The following AGXT variants were observed in gnomAD, a reference collection of about 807,000 sequenced individuals.
AGXT encodes L-alanine: glyoxylate aminotransferase 1.
Under a neutral mutation model 46.9 loss-of-function variants are expected in AGXT, and 41 were observed. That is an observed-to-expected ratio of 0.88 (90% CI 0.68 to 1.14). AGXT has a LOEUF of 1.14. Ranked by LOEUF, AGXT falls within the 50% of genes most tolerant of loss-of-function variation. The pLI, the probability that AGXT is intolerant of heterozygous loss-of-function variation, is 0.00. For synonymous variants in AGXT, 244 were observed against 227.9 expected (o/e 1.07, Z -0.64); for missense variants, 525 against 522.7 (o/e 1.00, Z -0.04).
At chr2:240,877,757 C>T (rs1013495505) in intron 9 of AGXT, 125 bp downstream of exon 9, 90 of 1,153,890 alleles carry the variant, frequency 7.8e-5, no homozygotes, top group Middle Eastern at 5.3e-4. Flanking sequence ...GTGGTGTGGC[C>T]TCGGTGCCAG....
chr2:240,875,669 G>A (rs915562269), intron 7 of AGXT, among the ~76,000 whole-genome samples: 1 of 152,262 alleles, frequency 6.6e-6, no homozygotes, highest in African/African-American at 2.4e-5. Context: ...GGACTGAGGG[G>A]CTCCGCAGGG....
Position 240,869,202 on chromosome 2 carries a change from C to G in AGXT, c.198C>G (p.Tyr66Ter), listed in dbSNP as rs121908521. 5 of 1,528,980 alleles carry G rather than the reference C, an allele frequency of 3.3e-6. No individual in the cohort carries two copies. Among genetic ancestry groups the G allele is most frequent in the Non-Finnish European group, 4.5e-6 (5 of 1,121,430 alleles). The allele number at this position is 1,528,980 out of a possible 1,614,324, so 94.7% of individuals were successfully genotyped here. Residue 66 changes from tyrosine (Y) to a stop codon, truncating the protein, a stop_gained, in exon 2 of 11, where the codon TAC becomes TAG. Transcript: ENST00000307503. LOFTEE classifies it high-confidence loss of function. ...ACGAGATCAAGGAAGGCATCCAGTA[C>G]GTGTTCCAGACCAGGAACCCACTCA... ...IMDEIKEGIQ[Y>*]VFQTRNPLTL...
Position 240,876,672 on chromosome 2 carries a change from G to A in AGXT, c.846+668G>A, listed in dbSNP as rs566398438. 5.3e-5 allele frequency among the ~76,000 whole-genome samples: 8 copies of A among 152,366 alleles called. No homozygotes were observed. In the South Asian group the frequency reaches 6.2e-4, roughly 12 times the overall value. On this transcript the variant is annotated intron_variant, in intron 8 of 10. Transcript: ENST00000307503. ...CAGCTTCCCATGAGGTTGCAAGGCC[G>A]TGCCTGCCACGTTTGTCCTCCTGGG...
intron 6 of AGXT, among the ~76,000 whole-genome samples, chr2:240,874,839 A>T (rs1373145974): frequency 6.6e-6 from 1 of 152,216 alleles, no homozygotes; most frequent in Non-Finnish European, 1.5e-5. Flanking sequence ...GCTGGGGGAG[A>T]GAAAGGGGCA....
rs1375416933 is a variant in AGXT at position 240,879,541 on chromosome 2, C to A, written c.*720C>A. 1.3e-5 allele frequency: 2 copies of A among 152,546 alleles called. No homozygotes were observed. The highest frequency in any genetic ancestry group is 2.9e-5 in the Non-Finnish European group (2 of 68,304). 9.4% of individuals were successfully genotyped at this position (152,546 alleles called of 1,614,324 possible). On this transcript the variant is annotated 3_prime_UTR_variant, in exon 11 of 11. Transcript: ENST00000307503. Reference sequence around the variant, plus strand: ...TTATTTATTTTGAAACGGAGTTTCACTCTTGTTGCCCAGGCTGGAGTGCAG... The same window carrying A: ...TTATTTATTTTGAAACGGAGTTTCAATCTTGTTGCCCAGGCTGGAGTGCAG...
At chr2:240,874,148 G>T in intron 6 of AGXT, 86 bp downstream of exon 6, 1 of 1,304,918 alleles carries the variant, frequency 7.7e-7, no homozygotes, top group South Asian at 1.2e-5. Flanking sequence ...GCGGGAGCCA[G>T]GCAGGAAGGG....
intron 6 of AGXT, 122 bp downstream of exon 6, chr2:240,874,184 C>T (rs541928579): frequency 3.7e-5 from 36 of 967,762 alleles, no homozygotes; most frequent in Non-Finnish European, 5.2e-5. Flanking sequence ...CAGCACCTGG[C>T]GCTCTCCCGC....
rs755242240 is a variant in AGXT at position 240,878,147 on chromosome 2, G to C, written c.1068G>C (p.Gly356=). 3 of 1,612,802 alleles carry C rather than the reference G, an allele frequency of 1.9e-6. No homozygotes were observed. The East Asian group carries it at 6.7e-5, about 36-fold the overall frequency. The part of the protein sequence containing the change: ...EIMGGLGPST[G]KVLRIGLLGC... ...TGGGTGGCCTTGGGCCCTCCACGGG[G>C]AAGGTGAGAGGGAGCGCCTCGAGGG... Residue 356 remains glycine, a synonymous_variant, in exon 10 of 11, where the codon GGG becomes GGC. Coordinates refer to ENST00000307503, the MANE Select transcript of AGXT (RefSeq NM_000030.3).
chr2:240,878,715 TGCTGCGGATCGGCCTGCTGG>T lies in AGXT; in HGVS notation c.1079_1098del (p.Arg360GlnfsTer46). ...GTCAGCCCGCCCTGTGCCCCCCAGG[TGCTGCGGATCGGCCTGCTGG>T]GCTGCAATGCCACCCGCGAGAATGT... On this transcript the variant is annotated frameshift_variant and splice_region_variant, in exon 11 of 11. Transcript: ENST00000307503. LOFTEE classifies it high-confidence loss of function. 6.4e-7 allele frequency: 1 copy of T among 1,554,612 alleles called. No individual in the cohort carries two copies. The highest frequency in any genetic ancestry group is 8.7e-7 in the Non-Finnish European group (1 of 1,153,416).
intron 8 of AGXT, 41 bp from the exon 9 acceptor site, chr2:240,877,496 C>A: frequency 6.6e-7 from 1 of 1,515,570 alleles, no homozygotes. Context: ...TCCTGCCCAC[C>A]CCACCCATGT....
chr2:240,875,914 A>T (rs763334194), intron 7 of AGXT, 21 bp from the exon 8 acceptor site: 2 of 1,613,906 alleles, frequency 1.2e-6, no homozygotes, highest in Admixed American at 3.3e-5. Context: ...GTGCTGGACC[A>T]AGCCCCCTCG....
chr2:240,869,997 G>A (rs534338001), intron 2 of AGXT, among the ~76,000 whole-genome samples: 1 of 152,232 alleles, frequency 6.6e-6, no homozygotes, highest in South Asian at 2.1e-4. Flanking sequence ...ACTTTTCAAG[G>A]GGACCCAGGG....
At chr2:240,872,289 A>G (rs2058995105) in intron 4 of AGXT, among the ~76,000 whole-genome samples, 2 of 150,008 alleles carry the variant, frequency 1.3e-5, no homozygotes, top group African/African-American at 5.0e-5. Flanking sequence ...GTTCGTGAAC[A>G]TGCAGGAGGA....
Position 240,878,061 on chromosome 2 carries a change from G to A in AGXT, c.982G>A (p.Ala328Thr), listed in dbSNP as rs200819267. The A allele has an allele frequency of 2.7e-5, 44 of 1,613,004 alleles. No homozygotes were observed. Among genetic ancestry groups the A allele is most frequent in the Middle Eastern group, 1.7e-4 (1 of 6,060 alleles). ...CACAGTCACCACTGTGGCTGTACCC[G>A]CTGGCTATGACTGGAGAGACATCGT... ...LPTVTTVAVPAGYDWRDIVSY... is the reference protein window; with the variant it reads ...LPTVTTVAVPTGYDWRDIVSY... The change falls in exon 10 of 11, where the codon GCT becomes ACT. Residue 328 changes from alanine to threonine, a missense_variant. Ala to Thr is a moderately conservative substitution (Grantham distance 58). Transcript: ENST00000307503.
intron 7 of AGXT, among the ~76,000 whole-genome samples, chr2:240,875,688 G>A (rs1293943690): frequency 6.6e-6 from 1 of 152,240 alleles, no homozygotes; most frequent in African/African-American, 2.4e-5. Context: ...GGAGGTGGTG[G>A]CACGTGTCTC....
At position 240,869,253 on chromosome 2, in the gene AGXT, CTG is replaced by C. The variant is rs2058978377; in HGVS notation, c.252_253del (p.Ala85ProfsTer82). ...CACTGGTCATCTCTGGCTCGGGACACTGTGCCCTGGAGGCCGCCCTGGTCAAT... is the reference window on the plus strand; with the variant it reads ...CACTGGTCATCTCTGGCTCGGGACACTGCCCTGGAGGCCGCCCTGGTCAAT... Reference protein sequence around the residue: ...LTLVISGSGHCALEAALVNVL... With the variant: ...LTLVISGSGHXALEAALVNVL... On this transcript the variant is annotated frameshift_variant, in exon 2 of 11. Coordinates refer to ENST00000307503, the MANE Select transcript of AGXT (RefSeq NM_000030.3). LOFTEE classifies it high-confidence loss of function. 1.2e-6 allele frequency: 2 copies of C among 1,613,804 alleles called. No individual in the cohort carries two copies. The highest frequency in any genetic ancestry group is 1.3e-5 in the African/African-American group (1 of 74,942).
In AGXT at chr2:240,873,024, G is replaced by C; in HGVS notation, c.570G>C (p.Gly190=). 6.2e-7 allele frequency: 1 copy of C among 1,613,884 alleles called. No individual in the cohort carries two copies. Among genetic ancestry groups the C allele is most frequent in the Non-Finnish European group, 8.5e-7 (1 of 1,179,930 alleles). ...TGGATTCGGTGGCATCCCTGGGCGG[G>C]ACCCCCCTTTACATGGACCGGCAAG... ...LLVDSVASLG[G]TPLYMDRQGI... Residue 190 remains glycine (G), a synonymous_variant, in exon 5 of 11, where the codon GGG becomes GGC. Transcript: ENST00000307503.
rs142553038 is a variant in AGXT at position 240,871,869 on chromosome 2, G to A, written c.524+420G>A. The stretch of plus-strand genomic sequence containing the variant: ...GGCAAGGCCTTGAATGGAGTCAGAT[G>A]GGATTCCTGAGAAATGCGGACAGAG... On this transcript the variant is annotated intron_variant, in intron 4 of 10. Coordinates refer to ENST00000307503, the MANE Select transcript of AGXT (RefSeq NM_000030.3). Among the ~76,000 whole-genome samples the A allele has an allele frequency of 1.7e-3, 265 of 152,368 alleles. 1 individual carries two copies. The highest frequency in any genetic ancestry group is 2.8e-3 in the Non-Finnish European group (193 of 68,032).
rs200317876 is a variant in AGXT at position 240,878,029 on chromosome 2, G to C, written c.950G>C (p.Arg317Pro). 1.5e-4 allele frequency: 243 copies of C among 1,611,956 alleles called. No individual in the cohort carries two copies. The highest frequency in any genetic ancestry group is 2.0e-4 in the Non-Finnish European group (241 of 1,179,992). The stretch of plus-strand genomic sequence containing the variant: ...GCCAGGCCCCTCCTGCAGGCGCTCC[G>C]GCTTCCCACAGTCACCACTGTGGCT... ...LQLFVKDPAL[R>P]LPTVTTVAVP... The change falls in exon 10 of 11, where the codon CGG (arginine) becomes CCG (proline). Residue 317 changes from arginine to proline, a missense_variant. By Grantham distance (103) the Arg-to-Pro change is moderately radical. Transcript: ENST00000307503.
Sources: allele counts gnomAD v4.1 joint callset (sites outside exome capture counted in the v4.1 genomes callset), GRCh38; gene constraint gnomAD v4.1.1; transcripts MANE v1.5; gene names NCBI Gene and HGNC (gene_info 2026-07-23, HGNC 2026-07-21).